The following EYA2 variants were observed in gnomAD, a reference collection of about 807,000 sequenced individuals.
EYA2 encodes the protein EYA transcriptional coactivator and phosphatase 2.
A neutral mutation model predicts 69.2 loss-of-function variants in EYA2; 31 were observed. The observed-to-expected ratio is 0.45, with a 90% confidence interval of 0.34 to 0.60. The LOEUF is 0.60. Among genes scored for constraint, EYA2 ranks in the 20% least tolerant of loss-of-function variants. The probability of loss-of-function intolerance (pLI) is 0.02; values close to 1 mark genes in which losing one functional copy is unlikely to be tolerated. For missense variants in EYA2, 622 were observed against 701.2 expected, an observed-to-expected ratio of 0.89 and a Z score of 1.28; for synonymous variants, 257 against 279.4, an observed-to-expected ratio of 0.92 and a Z score of 0.80.
chr20:47,028,716 C>T (rs564504985), intron 5 of EYA2, among the ~76,000 whole-genome samples: 1 of 152,304 alleles, frequency 6.6e-6, no homozygotes, highest in South Asian at 2.1e-4. Context: ...GGACACAGGG[C>T]CAAGACAGAG....
intron 13 of EYA2, among the ~76,000 whole-genome samples, 194 bp downstream of exon 13, chr20:47,180,106 C>T (rs543250375): frequency 6.6e-6 from 1 of 152,094 alleles, no homozygotes; most frequent in Non-Finnish European, 1.5e-5. Flanking sequence ...GATCTCGGCT[C>T]ATCACAACCT....
At chr20:47,117,525 TGATTCCGGCTTG>T (rs983241777) in intron 9 of EYA2, 7 of 985,312 alleles carry the variant, frequency 7.1e-6, no homozygotes, top group Admixed American at 1.2e-4. Flanking sequence ...TGTTATTACG[TGATTCCGGCTTG>T]GATTCCGGAA....
intron 1 of EYA2, among the ~76,000 whole-genome samples, chr20:46,895,228 T>G (rs1364732109): frequency 1.3e-5 from 2 of 152,104 alleles, no homozygotes; most frequent in Non-Finnish European, 2.9e-5. Context: ...GGCCCCAGTT[T>G]CCCCATGCGC....
chr20:46,899,252 G>T (rs1983972566), intron 1 of EYA2, among the ~76,000 whole-genome samples: 1 of 152,194 alleles, frequency 6.6e-6, no homozygotes, highest in African/African-American at 2.4e-5. Flanking sequence ...TTCCTTTGGA[G>T]GAAGATGCTG....
At chr20:47,014,628 A>ATATG (rs1555812542) in intron 4 of EYA2, among the ~76,000 whole-genome samples, 1 of 144,614 alleles carries the variant, frequency 6.9e-6, no homozygotes, top group Non-Finnish European at 1.5e-5. Flanking sequence ...TGTGCACAAA[A>ATATG]TGTGTGTGTG....
chr20:46,976,069 T>A (rs1218335071), intron 1 of EYA2, among the ~76,000 whole-genome samples: 2 of 151,980 alleles, frequency 1.3e-5, no homozygotes, highest in Non-Finnish European at 2.9e-5. Flanking sequence ...CTTATGCAAT[T>A]GCTTATGTAA....
intron 5 of EYA2, among the ~76,000 whole-genome samples, chr20:47,029,033 T>C (rs1984254704): frequency 6.6e-6 from 1 of 152,234 alleles, no homozygotes; most frequent in African/African-American, 2.4e-5. Context: ...TAAAACTTAC[T>C]GTGCAAGCCA....
chr20:46,967,911 C>T (rs1046420699), intron 1 of EYA2, among the ~76,000 whole-genome samples: 2 of 152,212 alleles, frequency 1.3e-5, no homozygotes, highest in African/African-American at 2.4e-5. Context: ...TCCCTCCTTG[C>T]AGGCCAACAG....
intron 2 of EYA2, among the ~76,000 whole-genome samples, chr20:46,991,531 A>C (rs552238812): frequency 6.6e-6 from 1 of 152,216 alleles, no homozygotes; most frequent in East Asian, 1.9e-4. Flanking sequence ...TAAATTCAAA[A>C]CCATGGTTGC....
chr20:46,964,265 G>A (rs1197892480), intron 1 of EYA2, among the ~76,000 whole-genome samples: 1 of 152,208 alleles, frequency 6.6e-6, no homozygotes, highest in East Asian at 1.9e-4. Flanking sequence ...CAATTAAAGA[G>A]GTTTTAGTGG....
intron 9 of EYA2, among the ~76,000 whole-genome samples, chr20:47,118,154 T>G (rs1355215207): frequency 6.6e-6 from 1 of 152,266 alleles, no homozygotes; most frequent in East Asian, 1.9e-4. Context: ...TCAAGATGAA[T>G]ACAATTTGAA....
At chr20:47,154,854 TG>T (rs1387272470) in intron 10 of EYA2, among the ~76,000 whole-genome samples, 66 of 151,422 alleles carry the variant, frequency 4.4e-4, no homozygotes, top group Non-Finnish European at 8.1e-4. Context: ...TGTGTGTGTG[TG>T]TGTGTTTTGA....
rs11473217 is a variant in EYA2, at chr20:47,112,862, CTTTTT to C, written c.888+15717_888+15721del. 2.5e-4 allele frequency among the ~76,000 whole-genome samples: 14 copies of C among 55,806 alleles called. 1 individual carries two copies. Among genetic ancestry groups the C allele is most frequent in the Admixed American group, 2.9e-4 (1 of 3,446 alleles). 36.6% of individuals were successfully genotyped at this position (55,806 alleles called of 152,430 possible). On this transcript the variant is annotated intron_variant, in intron 9 of 15. Coordinates refer to ENST00000327619, the MANE Select transcript of EYA2 (RefSeq NM_005244.5). ...CAAAAGTTAGATTTCATGTTCACTC[CTTTTT>C]TTTTTTTTTTTTTTTTTTTTTTGAG... is the stretch of plus-strand genomic sequence containing the variant.
At chr20:47,030,460 C>T (rs1984343310) in intron 5 of EYA2, among the ~76,000 whole-genome samples, 1 of 152,220 alleles carries the variant, frequency 6.6e-6, no homozygotes, top group Admixed American at 6.5e-5. Context: ...GGCTCTGTTG[C>T]AGGCAGCATG....
rs79655655 is a variant in EYA2, at chr20:47,094,116, A to G, written c.805-2969A>G. Among the ~76,000 whole-genome samples, 369 of 152,372 alleles carry G rather than the reference A, an allele frequency of 2.4e-3. 1 individual carries two copies. Among genetic ancestry groups the G allele is most frequent in the African/African-American group, 8.3e-3 (346 of 41,590 alleles). On this transcript the variant is annotated intron_variant, in intron 8 of 15. Coordinates refer to ENST00000327619, the MANE Select transcript of EYA2 (RefSeq NM_005244.5). The stretch of plus-strand genomic sequence containing the variant: ...CAGAATGGCCACCAGGAACTTACCC[A>G]CTAAGAATCGAGGATGGTGAGGTAG...
At chr20:47,180,005 C>G (rs2034507411) in intron 13 of EYA2, 93 bp downstream of exon 13, 1 of 827,940 alleles carries the variant, frequency 1.2e-6, no homozygotes, top group Non-Finnish European at 2.0e-6. Flanking sequence ...GAGAATTGGA[C>G]TCCTCAAACT....
intron 4 of EYA2, among the ~76,000 whole-genome samples, chr20:47,015,336 A>G (rs1433807615): frequency 6.6e-6 from 1 of 152,214 alleles, no homozygotes; most frequent in East Asian, 1.9e-4. Context: ...CCAGTTGTTC[A>G]TGGAATTAGT....
intron 1 of EYA2, among the ~76,000 whole-genome samples, chr20:46,920,332 C>G (rs60990166): frequency 6.6e-6 from 1 of 151,982 alleles, no homozygotes; most frequent in African/African-American, 2.4e-5. Context: ...ACCAAGCCCA[C>G]GATATCTCCA....
intron 4 of EYA2, among the ~76,000 whole-genome samples, chr20:47,012,646 A>C (rs188787839): frequency 1.3e-5 from 2 of 152,116 alleles, no homozygotes; most frequent in Non-Finnish European, 1.5e-5. Context: ...GGTGTGCACC[A>C]CCACACCCAG....
Sources: gnomAD v4.1 joint callset for allele counts (sites outside exome capture counted in the v4.1 genomes callset) on GRCh38, gnomAD v4.1.1 for gene constraint, MANE v1.5 for transcripts, NCBI Gene and HGNC (gene_info 2026-07-23, HGNC 2026-07-21) for gene names.